CDH13: variants seen among roughly 807,000 people sequenced by gnomAD.
The protein encoded by CDH13 is cadherin-13.
CDH13 carries 24 observed loss-of-function variants against 63.8 expected under a neutral mutation model. The ratio of observed to expected loss-of-function variants is 0.38; its 90% CI spans 0.27 to 0.53. The LOEUF is 0.53. CDH13 is among the 20% of genes least tolerant of loss of function. The pLI, the probability that CDH13 is intolerant of heterozygous loss-of-function variation, is 0.85. For synonymous variants in CDH13, 503 were observed against 355.3 expected (o/e 1.42, Z -4.67); for missense variants, 1,049 against 903.1 (o/e 1.16, Z -2.07).
intron 2 of CDH13, among the ~76,000 whole-genome samples, chr16:82,861,888 G>T (rs978784103): frequency 2.0e-5 from 3 of 152,178 alleles, no homozygotes; most frequent in African/African-American, 7.2e-5. Flanking sequence ...GTGATGCAAA[G>T]CTCCCAACTC....
chr16:82,971,148 C>A (rs145718905), intron 2 of CDH13, among the ~76,000 whole-genome samples: 6 of 152,308 alleles, frequency 3.9e-5, no homozygotes, highest in African/African-American at 1.2e-4. Flanking sequence ...AATACCCCAA[C>A]TCCCTCACCC....
intron 2 of CDH13, among the ~76,000 whole-genome samples, chr16:82,936,051 C>T (rs1171279454): frequency 6.6e-6 from 1 of 152,092 alleles, no homozygotes; most frequent in African/African-American, 2.4e-5. Flanking sequence ...CCACCCTAAT[C>T]TTATGCAAAT....
chr16:82,718,079 A>C (rs2032510171), intron 1 of CDH13, among the ~76,000 whole-genome samples: 1 of 152,224 alleles, frequency 6.6e-6, no homozygotes, highest in Non-Finnish European at 1.5e-5. Flanking sequence ...AGGTGATCTC[A>C]GGAAACCGGT....
intron 5 of CDH13, among the ~76,000 whole-genome samples, chr16:83,313,643 TA>T (rs59109363): frequency 0.029 from 2,619 of 89,888 alleles, 40 homozygotes; most frequent in East Asian, 0.083. Flanking sequence ...CTTACCATTG[TA>T]AAAAAAAAAA....
At position 83,759,936 on chromosome 16, in the gene CDH13, TAAAA is replaced by T. The variant is rs11329988; in HGVS notation, c.1681+11700_1681+11703del. Among the ~76,000 whole-genome samples the T allele has an allele frequency of 3.7e-4, 49 of 133,354 alleles. 1 individual carries two copies. Among genetic ancestry groups the T allele is most frequent in the South Asian group, 4.7e-4 (2 of 4,282 alleles). The allele number at this position is 133,354 out of a possible 152,430, so 87.5% of individuals were successfully genotyped here. On this transcript the variant is annotated intron_variant, in intron 11 of 13. Transcript: ENST00000567109. ...GAGTGAGATCCTGTCTCAAAACCAA[TAAAA>T]AAAAAAAAAAAAAGAAAGAAATCCT...
At chr16:83,031,647 G>C (rs995335681) in intron 2 of CDH13, among the ~76,000 whole-genome samples, 1 of 151,838 alleles carries the variant, frequency 6.6e-6, no homozygotes, top group African/African-American at 2.4e-5. Context: ...TCTCCTCAAT[G>C]GTCCTGAGCA....
chr16:83,317,825 T>G (rs531724814), intron 5 of CDH13, among the ~76,000 whole-genome samples: 24 of 149,260 alleles, frequency 1.6e-4, no homozygotes, highest in African/African-American at 5.6e-4. Context: ...AGGAATCCAG[T>G]CTGCCACATC....
chr16:82,842,159 T>C lies in CDH13; in HGVS notation c.46-16203T>C, dbSNP rs867462183. Among the ~76,000 whole-genome samples, 153 of 59,214 alleles carry C rather than the reference T, an allele frequency of 2.6e-3. 9 individuals are homozygous for C. Among genetic ancestry groups the C allele is most frequent in the African/African-American group, 8.5e-3 (143 of 16,914 alleles). The allele number at this position is 59,214 out of a possible 152,430, so 38.8% of individuals were successfully genotyped here. A position where few individuals can be genotyped will look rare whatever the true frequency, so the allele number is the denominator to read the frequency against. Reference sequence around the variant, plus strand: ...ATATACACATATATATATATATATATATATACACACACACACATATATATA... The same window carrying C: ...ATATACACATATATATATATATATACATATACACACACACACATATATATA... On this transcript the variant is annotated intron_variant, in intron 1 of 13. Coordinates refer to ENST00000567109, the MANE Select transcript of CDH13 (RefSeq NM_001257.5).
At chr16:83,039,353 C>A (rs765207233) in intron 3 of CDH13, among the ~76,000 whole-genome samples, 1 of 152,158 alleles carries the variant, frequency 6.6e-6, no homozygotes, top group African/African-American at 2.4e-5. Context: ...AGTCTCATTC[C>A]TGCTCATCTC....
intron 6 of CDH13, among the ~76,000 whole-genome samples, chr16:83,452,017 G>T (rs1478594470): frequency 1.3e-5 from 2 of 152,058 alleles, no homozygotes; most frequent in Non-Finnish European, 2.9e-5. Context: ...TGATATTTCT[G>T]ATTTTTCCTT....
At chr16:83,645,436 A>G (rs1598407235) in intron 8 of CDH13, among the ~76,000 whole-genome samples, 1 of 152,044 alleles carries the variant, frequency 6.6e-6, no homozygotes, top group African/African-American at 2.4e-5. Flanking sequence ...GGGCTGAAAA[A>G]CCACCTATCA....
At chr16:82,742,172 A>C (rs74030811) in intron 1 of CDH13, among the ~76,000 whole-genome samples, 1,865 of 152,330 alleles carry the variant, frequency 0.012, 37 homozygotes, top group African/African-American at 0.043. Flanking sequence ...TAAGAGCACA[A>C]GAAATGAGAA....
intron 2 of CDH13, among the ~76,000 whole-genome samples, chr16:82,957,882 A>G (rs1906361240): frequency 6.6e-6 from 1 of 152,226 alleles, no homozygotes; most frequent in Non-Finnish European, 1.5e-5. Flanking sequence ...TTTTGGAGAC[A>G]TGATAGCTGG....
intron 6 of CDH13, among the ~76,000 whole-genome samples, chr16:83,351,175 T>C (rs542068099): frequency 6.6e-6 from 1 of 151,488 alleles, no homozygotes; most frequent in African/African-American, 2.4e-5. Context: ...TGACTGTTAA[T>C]TTTTTTTTGC....
At chr16:83,131,839 G>C (rs1451597671) in intron 4 of CDH13, among the ~76,000 whole-genome samples, 3 of 152,170 alleles carry the variant, frequency 2.0e-5, no homozygotes, top group African/African-American at 7.2e-5. Flanking sequence ...CAGGATAGAA[G>C]AAATATGTAA....
intron 1 of CDH13, among the ~76,000 whole-genome samples, chr16:82,818,064 C>T (rs1447673915): frequency 6.6e-6 from 1 of 151,936 alleles, no homozygotes; most frequent in African/African-American, 2.4e-5. Flanking sequence ...TGACTATACG[C>T]ACAATGCACA....
intron 7 of CDH13, among the ~76,000 whole-genome samples, chr16:83,571,040 C>T (rs1904574369): frequency 6.7e-6 from 1 of 148,304 alleles, no homozygotes. Context: ...GAGCTGCATT[C>T]CTCTCCAGCG....
intron 7 of CDH13, among the ~76,000 whole-genome samples, chr16:83,549,069 A>C (rs891905971): frequency 6.6e-6 from 1 of 152,154 alleles, no homozygotes; most frequent in South Asian, 2.1e-4. Flanking sequence ...GAGTGCTCTG[A>C]AAGCTCAGAG....
At chr16:83,329,391 A>G (rs772563910) in intron 5 of CDH13, among the ~76,000 whole-genome samples, 21 of 133,980 alleles carry the variant, frequency 1.6e-4, no homozygotes, top group Non-Finnish European at 2.3e-4. Context: ...ACACATGGCT[A>G]ATTTTTGTAT....
Sources: gnomAD v4.1 joint callset for allele counts (sites outside exome capture counted in the v4.1 genomes callset) on GRCh38, gnomAD v4.1.1 for gene constraint, MANE v1.5 for transcripts, NCBI Gene and HGNC (gene_info 2026-07-23, HGNC 2026-07-21) for gene names.